Variants in OPA1 observed in about 807,000 individuals in gnomAD.
OPA1 encodes the protein dynamin-like GTPase OPA1, mitochondrial.
In OPA1, 59 loss-of-function variants were observed where a neutral mutation model predicts 152.9. That is an observed-to-expected ratio of 0.39 (90% confidence interval 0.31 to 0.48). OPA1 has a LOEUF of 0.48. Among genes scored for constraint, OPA1 ranks in the 20% least tolerant of loss-of-function variants. The pLI, the probability that OPA1 is intolerant of heterozygous loss-of-function variation, is 0.96. For synonymous variants in OPA1, 400 were observed against 389.9 expected (o/e 1.03, Z -0.31); for missense variants, 1,008 against 1,216.8 (o/e 0.83, Z 2.55).
At chr3:193,643,936 T>C in intron 15 of OPA1, 39 bp from the exon 16 acceptor site, 1 of 1,608,074 alleles carries the variant, frequency 6.2e-7, no homozygotes, top group Non-Finnish European at 8.5e-7. Context: ...CTACTTTACA[T>C]CTTAAAATTC....
At position 193,634,729 on chromosome 3, in the gene OPA1, A is replaced by T. The variant is rs78149991; in HGVS notation, c.844-689A>T. Among the ~76,000 whole-genome samples, 430 of 152,226 alleles carry T rather than the reference A, an allele frequency of 2.8e-3. 3 individuals are homozygous for T. The highest frequency in any genetic ancestry group is 0.017 in the South Asian group (82 of 4,822). On this transcript the variant is annotated intron_variant, in intron 8 of 30. Coordinates refer to ENST00000361510, the MANE Select transcript of OPA1 (RefSeq NM_130837.3). ...AGCCTATATCATTTTTTGAAATAGT[A>T]ATATATTATCTCTGGACATGGAAAC...
In OPA1 at chr3:193,663,002, A is replaced by G. The variant is rs1381465621; in HGVS notation, c.2661+40A>G. Reference sequence around the variant, plus strand: ...TGAGAAGCAGGAATCTGCTTCCTTAATATTTGTTTCTTGCAGTAAATGTTA... The same window carrying G: ...TGAGAAGCAGGAATCTGCTTCCTTAGTATTTGTTTCTTGCAGTAAATGTTA... On this transcript the variant is annotated intron_variant, in intron 26 of 30. Coordinates refer to ENST00000361510, the MANE Select transcript of OPA1 (RefSeq NM_130837.3). The G allele has an allele frequency of 1.9e-6, 3 of 1,605,178 alleles. No homozygotes were observed. In the African/African-American group the frequency reaches 4.0e-5, roughly 21 times the overall value.
intron 26 of OPA1, among the ~76,000 whole-genome samples, chr3:193,663,164 T>C (rs978231168): frequency 1.3e-5 from 2 of 152,184 alleles, no homozygotes; most frequent in Non-Finnish European, 2.9e-5. Flanking sequence ...TTAAGAGTAA[T>C]GCTTTAATTT....
At chr3:193,662,127 A>T (rs952027760) in intron 25 of OPA1, among the ~76,000 whole-genome samples, 3 of 152,124 alleles carry the variant, frequency 2.0e-5, no homozygotes, top group Non-Finnish European at 2.9e-5. Context: ...TTTTGAGTGG[A>T]GGTTTGAAAA....
intron 1 of OPA1, among the ~76,000 whole-genome samples, chr3:193,605,614 A>G (rs1014580831): frequency 6.6e-6 from 1 of 152,194 alleles, no homozygotes; most frequent in Non-Finnish European, 1.5e-5. Context: ...GATCTTATCA[A>G]TTTCTGCCTG....
chr3:193,604,684 A>G (rs1021171856), intron 1 of OPA1, among the ~76,000 whole-genome samples: 4 of 151,768 alleles, frequency 2.6e-5, no homozygotes, highest in African/African-American at 9.7e-5. Flanking sequence ...AACATGGAGA[A>G]ACCCTGTCTC....
At position 193,664,964 on chromosome 3, in the gene OPA1, T is replaced by C; in HGVS notation, c.2746T>C (p.Tyr916His). The change falls in exon 27 of 31, where the codon TAT (tyrosine) becomes CAT (histidine). Residue 916 changes from tyrosine (Y) to histidine (H), a missense_variant. By Grantham distance (83) the Tyr-to-His change is moderately conservative. This residue lies in a region of OPA1 where 137 missense variants were observed against 171.0 expected (regional missense o/e 0.80). Transcript: ENST00000361510. ...TTGTAACCTTTGTCGAAGAGGTTTT[T>C]ATTACTACCAAAGGCATTTTGTAGA... ...NHCNLCRRGF[Y>H]YYQRHFVDSE... 6.2e-7 allele frequency: 1 copy of C among 1,604,100 alleles called. No homozygotes were observed.
In OPA1 at chr3:193,639,174, G is replaced by C. The variant is rs537881264; in HGVS notation, c.1149+1109G>C. On this transcript the variant is annotated intron_variant, in intron 11 of 30. Coordinates refer to ENST00000361510, the MANE Select transcript of OPA1 (RefSeq NM_130837.3). ...GTCTTTCATTGAACAGATATTTACG[G>C]AATGCTTAATATGTACCAGTAGCAT... Among the ~76,000 whole-genome samples the C allele has an allele frequency of 2.6e-5, 4 of 152,262 alleles. No homozygotes were observed. The South Asian group carries it at 8.3e-4, about 32-fold the overall frequency.
chr3:193,685,023 C>G lies in OPA1; in HGVS notation c.2984-7040C>G, dbSNP rs1317700537. Among the ~76,000 whole-genome samples the G allele has an allele frequency of 3.3e-5, 5 of 151,756 alleles. No individual in the cohort carries two copies. In the East Asian group the frequency reaches 9.7e-4, roughly 30 times the overall value. On this transcript the variant is annotated intron_variant, in intron 29 of 30. Coordinates refer to ENST00000361510, the MANE Select transcript of OPA1 (RefSeq NM_130837.3). ...TTTTAAAAAGCTGAATTTATCTGAC[C>G]AGGCGCGGTGGTTCACGCCTGTAAT...
chr3:193,635,213 A>T (rs1264660442), intron 8 of OPA1, among the ~76,000 whole-genome samples: 1 of 152,216 alleles, frequency 6.6e-6, no homozygotes, highest in Non-Finnish European at 1.5e-5. Context: ...TAATTATGAT[A>T]GAAAATTACA....
chr3:193,610,627 T>C (rs6767790), intron 1 of OPA1, among the ~76,000 whole-genome samples: 75,394 of 152,134 alleles, frequency 0.5, 19,076 homozygotes, highest in African/African-American at 0.56. Context: ...ATGCCCTGCC[T>C]GCAGAGGTGG....
chr3:193,607,099 CTTG>C, intron 1 of OPA1, among the ~76,000 whole-genome samples: 1 of 152,310 alleles, frequency 6.6e-6, no homozygotes, highest in East Asian at 1.9e-4. Context: ...CCTTCACCCA[CTTG>C]TTGATGGGGT....
At position 193,626,100 on chromosome 3, in the gene OPA1, T is replaced by A; in HGVS notation, c.687T>A (p.Leu229=). 1 of 1,613,778 alleles carries A rather than the reference T, an allele frequency of 6.2e-7. No individual in the cohort carries two copies. The highest frequency in any genetic ancestry group is 8.5e-7 in the Non-Finnish European group (1 of 1,179,736). Residue 229 remains leucine (L), a synonymous_variant, in exon 7 of 31, where the codon CTT becomes CTA. Transcript: ENST00000361510. The part of the protein sequence containing the change: ...ESDKHFRKGL[L]GELILLQQQI... Reference sequence around the variant, plus strand: ...TTGTGAACTCGTGGCAGGGTCTGCTTGGTGAGCTCATTCTCTTACAACAAC... The same window carrying A: ...TTGTGAACTCGTGGCAGGGTCTGCTAGGTGAGCTCATTCTCTTACAACAAC...
At chr3:193,662,331 GC>G (rs1172330166) in intron 25 of OPA1, among the ~76,000 whole-genome samples, 1 of 152,126 alleles carries the variant, frequency 6.6e-6, no homozygotes, top group Non-Finnish European at 1.5e-5. Flanking sequence ...TAAAAATCAA[GC>G]TATGCATTTT....
At chr3:193,609,979 C>T (rs1325147053) in intron 1 of OPA1, among the ~76,000 whole-genome samples, 7 of 152,220 alleles carry the variant, frequency 4.6e-5, no homozygotes, top group Admixed American at 6.5e-5. Context: ...GCCATGGGTT[C>T]GAACTTCCTC....
At chr3:193,635,355 G>A in intron 8 of OPA1, 63 bp from the exon 9 acceptor site, 1 of 980,182 alleles carries the variant, frequency 1.0e-6, no homozygotes, top group Non-Finnish European at 1.6e-6. Flanking sequence ...TTTTAATTTA[G>A]ACTTAATACT....
At chr3:193,668,102 A>G (rs571148529) in intron 29 of OPA1, among the ~76,000 whole-genome samples, 1 of 152,278 alleles carries the variant, frequency 6.6e-6, no homozygotes, top group East Asian at 1.9e-4. Flanking sequence ...AATCATGTGT[A>G]TATTTATTTA....
chr3:193,671,808 G>A (rs1365467872), intron 29 of OPA1, among the ~76,000 whole-genome samples: 5 of 152,170 alleles, frequency 3.3e-5, no homozygotes, highest in Non-Finnish European at 7.4e-5. Context: ...ATGGATTAGG[G>A]TCATGTGAAA....
chr3:193,675,412 C>T (rs369153126), intron 29 of OPA1, among the ~76,000 whole-genome samples: 6 of 151,700 alleles, frequency 4.0e-5, no homozygotes, highest in East Asian at 1.9e-4. Context: ...CGAAGCATCC[C>T]GGCAGCATCT....
Sources: gnomAD v4.1 joint callset for allele counts (sites outside exome capture counted in the v4.1 genomes callset) on GRCh38, gnomAD v4.1.1 for gene constraint, gnomAD v4.1.1 regional missense constraint, MANE v1.5 for transcripts, NCBI Gene and HGNC (gene_info 2026-07-23, HGNC 2026-07-21) for gene names.